Variants in EEF2K observed in about 807,000 individuals in gnomAD.
EEF2K encodes the protein eukaryotic elongation factor 2 kinase, also known as alternative protein EEF2K.
Under a neutral mutation model 93.8 loss-of-function variants are expected in EEF2K, and 70 were observed. The ratio of observed to expected loss-of-function variants is 0.75; its 90% CI spans 0.62 to 0.91. The LOEUF (loss-of-function observed/expected upper bound fraction) is 0.91. EEF2K is among the 40% of genes least tolerant of loss of function. The pLI is 0.00. For synonymous variants in EEF2K, 376 were observed against 380.8 expected, an observed-to-expected ratio of 0.99 and a Z score of 0.15; for missense variants, 935 against 972.9, an observed-to-expected ratio of 0.96 and a Z score of 0.52.
rs71151667 is a variant in EEF2K at position 22,262,001 on chromosome 16, C to CCACACACACA, written c.1300-1082_1300-1073dup. Among the ~76,000 whole-genome samples, 219 of 138,112 alleles carry CCACACACACA rather than the reference C, an allele frequency of 1.6e-3. 1 individual carries two copies. The highest frequency in any genetic ancestry group is 5.3e-3 in the African/African-American group (199 of 37,374). 90.6% of individuals were successfully genotyped at this position (138,112 alleles called of 152,430 possible). On this transcript the variant is annotated intron_variant, in intron 11 of 17. Coordinates refer to ENST00000263026, the MANE Select transcript of EEF2K (RefSeq NM_013302.5). ...GCCTGGGTGACAACGTGAGACCCTG[C>CCACACACACA]CACACACACACACACACACACACAC...
At chr16:22,231,617 A>G (rs2047116155) in intron 2 of EEF2K, among the ~76,000 whole-genome samples, 1 of 152,114 alleles carries the variant, frequency 6.6e-6, no homozygotes, top group South Asian at 2.1e-4. Context: ...GGAGAAAAAG[A>G]TGTTGTTAAG....
At chr16:22,277,572 C>T (rs2047649630) in intron 16 of EEF2K, among the ~76,000 whole-genome samples, 1 of 152,176 alleles carries the variant, frequency 6.6e-6, no homozygotes, top group South Asian at 2.1e-4. Flanking sequence ...TAGACAAATA[C>T]AGCAAAATAG....
At position 22,257,282 on chromosome 16, in the gene EEF2K, C is replaced by T. The variant is rs780150262; in HGVS notation, c.798C>T (p.Ser266=). 29 of 1,613,980 alleles carry T rather than the reference C, an allele frequency of 1.8e-5. 1 individual carries two copies. The highest frequency in any genetic ancestry group is 1.6e-4 in the Middle Eastern group (1 of 6,084). Residue 266 remains serine (S), a synonymous_variant, in exon 8 of 18, where the codon TCC becomes TCT. Coordinates refer to ENST00000263026, the MANE Select transcript of EEF2K (RefSeq NM_013302.5). ...QAFSHFTFER[S]GHQLIVVDIQ... is the part of the protein sequence containing the mutation. ...TCAGCCACTTCACTTTTGAGCGTTC[C>T]GGCCATCAGCTGATAGTGGTGGACA...
intron 16 of EEF2K, among the ~76,000 whole-genome samples, chr16:22,274,896 G>A (rs1019183104): frequency 3.3e-5 from 5 of 152,122 alleles, no homozygotes; most frequent in African/African-American, 4.8e-5. Flanking sequence ...GAGCCACCAC[G>A]CCTGACTAGG....
chr16:22,225,681 A>G lies in EEF2K; in HGVS notation c.-49A>G. ...CCTTCGCCTCTGCATTTGTCCAGTAACTCTGGCTGTGCCGGATACTGCTTG... is the reference window on the plus strand; with the variant it reads ...CCTTCGCCTCTGCATTTGTCCAGTAGCTCTGGCTGTGCCGGATACTGCTTG... On this transcript the variant is annotated 5_prime_UTR_variant, in exon 2 of 18. Transcript: ENST00000263026. 6.3e-7 allele frequency: 1 copy of G among 1,597,420 alleles called. No homozygotes were observed. Among genetic ancestry groups the G allele is most frequent in the East Asian group, 2.2e-5 (1 of 44,662 alleles).
intron 1 of EEF2K, among the ~76,000 whole-genome samples, chr16:22,217,885 A>G (rs771267370): frequency 3.9e-5 from 6 of 152,158 alleles, no homozygotes; most frequent in Non-Finnish European, 7.4e-5. Flanking sequence ...TGGGCTTGGT[A>G]GTTTGGTTTC....
chr16:22,258,490 C>G lies in EEF2K; in HGVS notation c.1030-4C>G. 4 of 1,613,844 alleles carry G rather than the reference C, an allele frequency of 2.5e-6. No homozygotes were observed. Among genetic ancestry groups the G allele is most frequent in the Non-Finnish European group, 3.4e-6 (4 of 1,179,944 alleles). On this transcript the variant is annotated splice_region_variant and splice_polypyrimidine_tract_variant and intron_variant, in intron 9 of 17. Coordinates refer to ENST00000263026, the MANE Select transcript of EEF2K (RefSeq NM_013302.5). ...GACATGAGTATCCCTATTAATGTCC[C>G]TAGCAATCAGCCAAGACCATCTTGA...
chr16:22,262,745 T>C (rs1216364774), intron 11 of EEF2K, among the ~76,000 whole-genome samples: 4 of 152,146 alleles, frequency 2.6e-5, no homozygotes, highest in Admixed American at 6.6e-5. Context: ...ATCCCATAAC[T>C]AAGGACACTG....
chr16:22,221,931 G>A lies in EEF2K; in HGVS notation c.-76-3723G>A, dbSNP rs2047016202. On this transcript the variant is annotated intron_variant, in intron 1 of 17. Transcript: ENST00000263026. The stretch of plus-strand genomic sequence containing the variant: ...CTAAAAATACAAAAATTAGCTGGGT[G>A]TGGTGGTGGGCTCCTGTAATCCCAG... 4.6e-5 allele frequency among the ~76,000 whole-genome samples: 7 copies of A among 152,150 alleles called. No individual in the cohort carries two copies. In the South Asian group the frequency reaches 1.5e-3, roughly 32 times the overall value.
Position 22,257,753 on chromosome 16 carries a change from CAG to C in EEF2K, c.1014_1015del (p.Asn339HisfsTer78). ...GCCCCGGGAGAGGGATGCAGTGAAT[CAG>C]AACACCAAGCTGCTGGTGGGTGCCC... ...LSPRERDAVN[Q>X]NTKLLQSAKT... On this transcript the variant is annotated frameshift_variant, in exon 9 of 18. Transcript: ENST00000263026. LOFTEE classifies it high-confidence loss of function. 6.2e-7 allele frequency: 1 copy of C among 1,613,868 alleles called. No homozygotes were observed. The highest frequency in any genetic ancestry group is 1.6e-4 in the Middle Eastern group (1 of 6,062).
intron 2 of EEF2K, among the ~76,000 whole-genome samples, chr16:22,229,265 A>G (rs1329541488): frequency 6.6e-6 from 1 of 152,274 alleles, no homozygotes; most frequent in Non-Finnish European, 1.5e-5. Context: ...ATGTGGGTAC[A>G]GAGACATATG....
chr16:22,229,088 G>A (rs2047091473), intron 2 of EEF2K, among the ~76,000 whole-genome samples: 1 of 151,840 alleles, frequency 6.6e-6, no homozygotes, highest in African/African-American at 2.4e-5. Context: ...GTGGTGAGCC[G>A]AGATCGCACC....
chr16:22,263,011 C>A, intron 11 of EEF2K, 99 bp from the exon 12 acceptor site: 1 of 1,111,106 alleles, frequency 9.0e-7, no homozygotes. Flanking sequence ...GGTAATGGGA[C>A]AGAGGGGAGA....
Position 22,280,198 on chromosome 16 carries a change from G to A in EEF2K, c.1890G>A (p.Arg630=). 6.7e-7 allele frequency: 1 copy of A among 1,493,662 alleles called. No homozygotes were observed. The highest frequency in any genetic ancestry group is 9.0e-7 in the Non-Finnish European group (1 of 1,116,306). The allele number at this position is 1,493,662 out of a possible 1,614,324, so 92.5% of individuals were successfully genotyped here. ...CTTTCCCTCTGTATCTCCTGGCAAG[G>A]TGCCAAGACTGGCTAGAGGCCCTGC... The part of the protein sequence containing the change: ...FDSGQNLSPD[R]CQDWLEALHW... Residue 630 remains arginine (R), a splice_region_variant and synonymous_variant, in exon 17 of 18, where the codon AGG becomes AGA. Coordinates refer to ENST00000263026, the MANE Select transcript of EEF2K (RefSeq NM_013302.5).
intron 15 of EEF2K, among the ~76,000 whole-genome samples, chr16:22,270,657 C>T (rs763398372): frequency 7.2e-5 from 11 of 152,090 alleles, no homozygotes; most frequent in Admixed American, 2.0e-4. Flanking sequence ...TTTGATATCA[C>T]AAAAATTGCT....
intron 1 of EEF2K, among the ~76,000 whole-genome samples, chr16:22,220,574 G>A (rs2047001953): frequency 1.3e-5 from 2 of 152,154 alleles, no homozygotes; most frequent in Non-Finnish European, 2.9e-5. Context: ...CTCCTGAGTA[G>A]CTGGGACTAC....
intron 2 of EEF2K, among the ~76,000 whole-genome samples, chr16:22,228,527 T>C (rs2047085740): frequency 6.6e-6 from 1 of 152,146 alleles, no homozygotes; most frequent in Admixed American, 6.6e-5. Context: ...CAAAGAGACC[T>C]TTGGAAACCA....
intron 2 of EEF2K, among the ~76,000 whole-genome samples, chr16:22,240,072 C>T (rs1351865204): frequency 2.0e-5 from 3 of 146,982 alleles, no homozygotes; most frequent in Non-Finnish European, 4.4e-5. Flanking sequence ...CACTTCACTC[C>T]AGCCTGGTGA....
At chr16:22,280,525 C>G in intron 17 of EEF2K, 149 bp downstream of exon 17, 1 of 977,414 alleles carries the variant, frequency 1.0e-6, no homozygotes, top group Non-Finnish European at 1.4e-6. Context: ...TGAAGATGAA[C>G]ATTGTTATTT....
Sources: allele counts gnomAD v4.1 joint callset (sites outside exome capture counted in the v4.1 genomes callset), GRCh38; gene constraint gnomAD v4.1.1; transcripts MANE v1.5; gene names NCBI Gene and HGNC (gene_info 2026-07-23, HGNC 2026-07-21).